ALG1: variants seen among roughly 807,000 people sequenced by gnomAD.
ALG1 encodes chitobiosyldiphosphodolichol beta-mannosyltransferase.
ALG1 carries 58 observed loss-of-function variants against 55.1 expected under a neutral mutation model. The ratio of observed to expected loss-of-function variants is 1.05; its 90% CI spans 0.85 to 1.31. The LOEUF (loss-of-function observed/expected upper bound fraction) is 1.31. ALG1 is among the 50% of genes most tolerant of loss of function. ALG1 has a pLI of 0.00. For missense variants in ALG1, 761 were observed against 598.6 expected, an observed-to-expected ratio of 1.27 and a Z score of -2.83; for synonymous variants, 309 against 247.0, an observed-to-expected ratio of 1.25 and a Z score of -2.35.
At chr16:5,079,358 T>C (rs952767489) in intron 8 of ALG1, among the ~76,000 whole-genome samples, 1 of 152,188 alleles carries the variant, frequency 6.6e-6, no homozygotes, top group Non-Finnish European at 1.5e-5. Flanking sequence ...GTGCTCTTTC[T>C]CCACCTGACC....
chr16:5,083,939 G>A (rs897251370), intron 12 of ALG1, among the ~76,000 whole-genome samples, 182 bp downstream of exon 12: 1 of 152,064 alleles, frequency 6.6e-6, no homozygotes, highest in Non-Finnish European at 1.5e-5. Flanking sequence ...GGTACAGTAG[G>A]CTCGGGAAAG....
At position 5,079,896 on chromosome 16, in the gene ALG1, T is replaced by G. The variant is rs1956985999; in HGVS notation, c.961+89T>G. 3 of 1,475,948 alleles carry G rather than the reference T, an allele frequency of 2.0e-6. No individual in the cohort carries two copies. The Admixed American group carries it at 5.0e-5, about 25-fold the overall frequency. The allele number at this position is 1,475,948 out of a possible 1,614,324, so 91.4% of individuals were successfully genotyped here. On this transcript the variant is annotated intron_variant, in intron 9 of 12. Transcript: ENST00000262374. ...CCTTTACCCTGTGCTTCCCATGATCTTGTCTCCTTAATCCTCACTGCAGCT... is the reference window on the plus strand; with the variant it reads ...CCTTTACCCTGTGCTTCCCATGATCGTGTCTCCTTAATCCTCACTGCAGCT...
Position 5,085,000 on chromosome 16 carries a change from A to G in ALG1, c.*119A>G, listed in dbSNP as rs1047655. The G allele has an allele frequency of 6.4e-7, 1 of 1,554,410 alleles. No homozygotes were observed. Among genetic ancestry groups the G allele is most frequent in the Admixed American group, 1.7e-5 (1 of 59,380 alleles). ...CCCAGTGGCCAGAAGCTGAAATGAC[A>G]GCAGTGGTACTGCCTGGTAAAAGAA... On this transcript the variant is annotated 3_prime_UTR_variant, in exon 13 of 13. Coordinates refer to ENST00000262374, the MANE Select transcript of ALG1 (RefSeq NM_019109.5).
Position 5,073,154 on chromosome 16 carries a change from T to C in ALG1, c.288T>C (p.Val96=), listed in dbSNP as rs1238229639. The C allele has an allele frequency of 3.1e-6, 5 of 1,614,086 alleles. No homozygotes were observed. In the South Asian group the frequency reaches 5.5e-5, roughly 18 times the overall value. ...TCACAGGTGTTTTCTGACTTGCAGT[T>C]GGGCCCCGAGTTTTCCAGTACGGAG... ...VGLTELQSLA[V]GPRVFQYGVK... Residue 96 remains valine, a splice_region_variant and synonymous_variant, in exon 3 of 13, where the codon GTT becomes GTC. Coordinates refer to ENST00000262374, the MANE Select transcript of ALG1 (RefSeq NM_019109.5).
chr16:5,083,146 G>A (rs541292585), intron 11 of ALG1, among the ~76,000 whole-genome samples: 33 of 152,264 alleles, frequency 2.2e-4, no homozygotes, highest in South Asian at 1.0e-3. Flanking sequence ...TGCACCCAGC[G>A]TAGACGGGTG....
At chr16:5,075,278 G>C in intron 3 of ALG1, 110 bp from the exon 4 acceptor site, 2 of 1,171,358 alleles carry the variant, frequency 1.7e-6, no homozygotes, top group Non-Finnish European at 2.6e-6. Context: ...ATTATCAAGA[G>C]CTCTGTAAAG....
rs1956850961 is a variant in ALG1, at chr16:5,073,234, C to T, written c.368C>T (p.Pro123Leu). Residue 123 changes from proline (P) to leucine (L), a missense_variant, in exon 3 of 13, where the codon CCA (proline) becomes CTA (leucine). Transcript: ENST00000262374. ...YLLWKLMWREPGAYIFLQNPP... is the reference protein window; with the variant it reads ...YLLWKLMWRELGAYIFLQNPP... ...CTGTGGAAGTTGATGTGGAGGGAGCCAGGTGCCTATATCTTTCTCCAGGTG... is the reference window on the plus strand; with the variant it reads ...CTGTGGAAGTTGATGTGGAGGGAGCTAGGTGCCTATATCTTTCTCCAGGTG... 1.2e-6 allele frequency: 2 copies of T among 1,614,118 alleles called. No homozygotes were observed. Among genetic ancestry groups the T allele is most frequent in the Non-Finnish European group, 1.7e-6 (2 of 1,180,016 alleles).
Position 5,078,846 on chromosome 16 carries a change from C to G in ALG1, c.830C>G (p.Pro277Arg). Residue 277 changes from proline to arginine, a missense_variant, in exon 7 of 13, where the codon CCA becomes CGA. Pro to Arg is a moderately radical substitution (Grantham distance 103). Coordinates refer to ENST00000262374, the MANE Select transcript of ALG1 (RefSeq NM_019109.5). ...SGLVTRLRER[P>R]ALLVSSTSWT... The stretch of plus-strand genomic sequence containing the variant: ...CTGGTGACGCGTCTCCGTGAGCGGC[C>G]AGCCCTGCTGGTCAGCAGCACGAGC... The G allele has an allele frequency of 6.2e-7, 1 of 1,611,870 alleles. No homozygotes were observed. The highest frequency in any genetic ancestry group is 1.1e-5 in the South Asian group (1 of 90,982).
intron 12 of ALG1, 178 bp from the exon 13 acceptor site, chr16:5,084,572 T>C (rs1957082559): frequency 1.0e-6 from 1 of 992,162 alleles, no homozygotes; most frequent in African/African-American, 1.6e-5. Flanking sequence ...CCAGAAACTG[T>C]GATGTCAAGT....
chr16:5,078,113 G>C, intron 6 of ALG1, 96 bp downstream of exon 6: 34 of 1,389,756 alleles, frequency 2.4e-5, no homozygotes, highest in Non-Finnish European at 2.7e-5. Flanking sequence ...TCATCCAGGG[G>C]TTGGCAAACT....
chr16:5,073,455 T>C, intron 3 of ALG1, 199 bp downstream of exon 3: 1 of 620,182 alleles, frequency 1.6e-6, no homozygotes, highest in Non-Finnish European at 2.9e-6. Flanking sequence ...AGTCTTACAT[T>C]GTACTGACTG....
At chr16:5,083,195 A>G (rs1287044950) in intron 11 of ALG1, among the ~76,000 whole-genome samples, 1 of 152,164 alleles carries the variant, frequency 6.6e-6, no homozygotes, top group African/African-American at 2.4e-5. Flanking sequence ...TAGAAGCAGT[A>G]GCCCCAGCAC....
Position 5,079,087 on chromosome 16 carries a change from C to T in ALG1, c.886C>T (p.Leu296=), listed in dbSNP as rs760271727. Residue 296 remains leucine (L), a synonymous_variant, in exon 8 of 13, where the codon CTG becomes TTG. Transcript: ENST00000262374. ...AGAGGACGAAGACTTCTCCATCCTG[C>T]TGGCAGCTTTAGAAAGTAGGTGTGT... The part of the protein sequence containing the change: ...WTEDEDFSIL[L]AALEKFEQLT... The T allele has an allele frequency of 4.4e-6, 7 of 1,597,972 alleles. No homozygotes were observed. Among genetic ancestry groups the T allele is most frequent in the Admixed American group, 1.7e-5 (1 of 59,956 alleles).
At chr16:5,075,781 T>G (rs1956901421) in intron 4 of ALG1, among the ~76,000 whole-genome samples, 1 of 152,166 alleles carries the variant, frequency 6.6e-6, no homozygotes. Context: ...CTCAGCAGTG[T>G]CACTGGGACC....
rs121908340 is a variant in ALG1 at position 5,075,447 on chromosome 16, C to G, written c.450C>G (p.Ser150Arg). Residue 150 changes from serine to arginine, a missense_variant, in exon 4 of 13, where the codon AGC becomes AGG. By Grantham distance (110) the Ser-to-Arg change is moderately radical (BLOSUM62 -1). Coordinates refer to ENST00000262374, the MANE Select transcript of ALG1 (RefSeq NM_019109.5). ...GGTTCGTGGGCTGCCTTTGTGGAAG[C>G]AAGCTCGTCATTGACTGGCACAACT... ...VCWFVGCLCGSKLVIDWHNYG... is the reference protein window; with the variant it reads ...VCWFVGCLCGRKLVIDWHNYG... 2.5e-6 allele frequency: 4 copies of G among 1,614,154 alleles called. No individual in the cohort carries two copies. Among genetic ancestry groups the G allele is most frequent in the African/African-American group, 2.7e-5 (2 of 75,034 alleles).
intron 4 of ALG1, 79 bp from the exon 5 acceptor site, chr16:5,077,366 G>A: frequency 7.8e-7 from 1 of 1,278,688 alleles, no homozygotes; most frequent in Non-Finnish European, 1.1e-6. Context: ...CCTTTTCTCT[G>A]TTGAGGGATG....
rs541521482 is a variant in ALG1, at chr16:5,085,954, C to T, written c.*1073C>T. On this transcript the variant is annotated 3_prime_UTR_variant, in exon 13 of 13. Transcript: ENST00000262374. ...AAATGGCTAGCAGCAGGCACCGTGC[C>T]GCTGTCCACTCTCTGCCTGTGTCTG... Among the ~76,000 whole-genome samples the T allele has an allele frequency of 1.3e-5, 2 of 152,268 alleles. No homozygotes were observed. The highest frequency in any genetic ancestry group is 4.1e-4 in the South Asian group (2 of 4,826).
In ALG1 at chr16:5,078,663, G is replaced by A. The variant is rs1242707791; in HGVS notation, c.741-94G>A. 1.9e-6 allele frequency: 3 copies of A among 1,609,688 alleles called. No individual in the cohort carries two copies. The African/African-American group carries it at 4.0e-5, about 22-fold the overall frequency. On this transcript the variant is annotated intron_variant, in intron 6 of 12. Coordinates refer to ENST00000262374, the MANE Select transcript of ALG1 (RefSeq NM_019109.5). ...GATGTGGCTGGGCACCCCAACCTCT[G>A]GGAGCCTGCAGGCCTCGCCACGGCA...
At chr16:5,084,681 G>A in intron 12 of ALG1, 69 bp from the exon 13 acceptor site, 1 of 1,592,964 alleles carries the variant, frequency 6.3e-7, no homozygotes, top group Non-Finnish European at 8.5e-7. Context: ...CCTGGGGTCA[G>A]CCAGGTGGTG....
Sources: allele counts gnomAD v4.1 joint callset (sites outside exome capture counted in the v4.1 genomes callset), GRCh38; gene constraint gnomAD v4.1.1; transcripts MANE v1.5; gene names NCBI Gene and HGNC (gene_info 2026-07-23, HGNC 2026-07-21).